MARCHF1: variants seen among roughly 807,000 people sequenced by gnomAD.
MARCHF1 encodes E3 ubiquitin-protein ligase MARCHF1.
In MARCHF1, 40 loss-of-function variants were observed where a neutral mutation model predicts 54.2. That is an observed-to-expected ratio of 0.74 (90% CI 0.57 to 0.96). The LOEUF (loss-of-function observed/expected upper bound fraction) is 0.96. Among genes scored for constraint, MARCHF1 ranks in the 40% least tolerant of loss-of-function variants. The pLI is 0.00. For synonymous variants in MARCHF1, 236 were observed against 236.3 expected, an observed-to-expected ratio of 1.00 and a Z score of 0.01; for missense variants, 586 against 656.5, an observed-to-expected ratio of 0.89 and a Z score of 1.17.
intron 3 of MARCHF1, among the ~76,000 whole-genome samples, chr4:163,863,304 G>A (rs535581745): frequency 6.6e-6 from 1 of 152,076 alleles, no homozygotes; most frequent in Non-Finnish European, 1.5e-5. Flanking sequence ...CTTTAGAAAG[G>A]AGTGCAGTCT....
intron 1 of MARCHF1, among the ~76,000 whole-genome samples, chr4:164,244,153 C>T (rs1345689415): frequency 2.0e-5 from 3 of 151,952 alleles, no homozygotes; most frequent in Admixed American, 6.6e-5. Flanking sequence ...ACAGAATATA[C>T]ATTTTTTTCA....
At chr4:163,573,720 C>T (rs1301548867) in intron 8 of MARCHF1, among the ~76,000 whole-genome samples, 2 of 151,810 alleles carry the variant, frequency 1.3e-5, no homozygotes, top group Non-Finnish European at 2.9e-5. Context: ...CATTGTTGGA[C>T]ATTTGGGTTG....
At chr4:163,979,471 G>T (rs373779548) in intron 3 of MARCHF1, among the ~76,000 whole-genome samples, 3 of 139,416 alleles carry the variant, frequency 2.2e-5, no homozygotes, top group Non-Finnish European at 4.7e-5. Context: ...GAATAATGCC[G>T]CAATAAACAT....
chr4:163,678,229 G>A (rs1425315966), intron 5 of MARCHF1, among the ~76,000 whole-genome samples: 1 of 152,174 alleles, frequency 6.6e-6, no homozygotes, highest in Non-Finnish European at 1.5e-5. Flanking sequence ...TGATTATGAT[G>A]ACAATGTTAT....
intron 2 of MARCHF1, among the ~76,000 whole-genome samples, chr4:164,091,334 T>C (rs1755294943): frequency 6.7e-6 from 1 of 150,066 alleles, no homozygotes; most frequent in African/African-American, 2.4e-5. Context: ...TTAAGGTCAT[T>C]TAAAAACCTT....
rs79127832 is a variant in MARCHF1 at position 163,807,081 on chromosome 4, A to C, written c.111+46940T>G. 4.3e-3 allele frequency among the ~76,000 whole-genome samples: 659 copies of C among 152,284 alleles called. 7 individuals carry two copies. Among genetic ancestry groups the C allele is most frequent in the African/African-American group, 0.015 (622 of 41,576 alleles). Reference sequence around the variant, plus strand: ...GTCAAAAATCCGAAACAAAATAATAATTGGATCAAAACACAGCACAATATT... The same window carrying C: ...GTCAAAAATCCGAAACAAAATAATACTTGGATCAAAACACAGCACAATATT... On this transcript the variant is annotated intron_variant, in intron 4 of 9. Coordinates refer to ENST00000514618, the MANE Select transcript of MARCHF1 (RefSeq NM_001394959.1).
At chr4:163,757,513 A>C (rs17474095) in intron 4 of MARCHF1, among the ~76,000 whole-genome samples, 5,815 of 152,310 alleles carry the variant, frequency 0.038, 161 homozygotes, top group South Asian at 0.075. Flanking sequence ...TTATATCCTA[A>C]GGATGCCTGT....
At chr4:164,060,205 A>G (rs1754585439) in intron 2 of MARCHF1, among the ~76,000 whole-genome samples, 1 of 152,094 alleles carries the variant, frequency 6.6e-6, no homozygotes, top group African/African-American at 2.4e-5. Flanking sequence ...TCAAATTTTT[A>G]TACCATATTG....
chr4:163,946,617 CA>C (rs772127822), intron 3 of MARCHF1, among the ~76,000 whole-genome samples: 18 of 152,142 alleles, frequency 1.2e-4, no homozygotes, highest in Admixed American at 2.0e-4. Context: ...TAATCTCCCC[CA>C]AACAGATTGG....
chr4:163,930,329 C>T (rs955162994), intron 3 of MARCHF1, among the ~76,000 whole-genome samples: 1 of 151,718 alleles, frequency 6.6e-6, no homozygotes, highest in South Asian at 2.1e-4. Context: ...GAATAGGAAC[C>T]AACAGATCAT....
At chr4:164,181,733 A>G (rs1467393491) in intron 1 of MARCHF1, among the ~76,000 whole-genome samples, 1 of 152,194 alleles carries the variant, frequency 6.6e-6, no homozygotes, top group Middle Eastern at 3.2e-3. Flanking sequence ...TCCTAGCTCA[A>G]AGATTTTCTA....
At chr4:164,189,452 T>TTGTGTGTGAGA in intron 1 of MARCHF1, 4 of 703,560 alleles carry the variant, frequency 5.7e-6, no homozygotes, top group Non-Finnish European at 1.0e-5. Context: ...ATTGATGATG[T>TTGTGTGTGAGA]TGTTCTTGGT....
In MARCHF1 at chr4:163,525,887, A is replaced by C. The variant is rs1265422937; in HGVS notation, c.*2861T>G. On this transcript the variant is annotated 3_prime_UTR_variant, in exon 10 of 10. Transcript: ENST00000514618. ...GGCAAATGTTCCATTGCCACACAGA[A>C]TGTAAAAAGAAAATAATCAACATTA... 6.6e-6 allele frequency: 1 copy of C among 152,100 alleles called. No individual in the cohort carries two copies. The highest frequency in any genetic ancestry group is 1.5e-5 in the Non-Finnish European group (1 of 67,972). 9.4% of individuals were successfully genotyped at this position (152,100 alleles called of 1,614,324 possible). A position where few individuals can be genotyped will look rare whatever the true frequency, so the allele number is the denominator to read the frequency against.
intron 4 of MARCHF1, among the ~76,000 whole-genome samples, chr4:163,780,141 G>T (rs1747422628): frequency 6.6e-6 from 1 of 152,198 alleles, no homozygotes; most frequent in Non-Finnish European, 1.5e-5. Flanking sequence ...GTGAAAAAGG[G>T]CCTATAGTTG....
rs190430615 is a variant in MARCHF1, at chr4:164,225,570, T to C, written c.-322-113908A>G. 2.4e-3 allele frequency among the ~76,000 whole-genome samples: 358 copies of C among 152,182 alleles called. 3 individuals carry two copies. Among genetic ancestry groups the C allele is most frequent in the African/African-American group, 8.0e-3 (333 of 41,548 alleles). ...ATCCTACAGTGTATTAAAGACCAAA[T>C]GGCAAAGTGCACCTTAACTGAATAA... On this transcript the variant is annotated intron_variant, in intron 1 of 9. Transcript: ENST00000514618.
chr4:163,929,963 AAT>A (rs1751628248), intron 3 of MARCHF1, among the ~76,000 whole-genome samples: 1 of 62,152 alleles, frequency 1.6e-5, no homozygotes, highest in African/African-American at 7.6e-5. Flanking sequence ...TATTATATAT[AAT>A]ATATATAATA....
intron 1 of MARCHF1, among the ~76,000 whole-genome samples, chr4:164,297,097 A>G (rs1311770258): frequency 6.6e-6 from 1 of 152,230 alleles, no homozygotes; most frequent in Non-Finnish European, 1.5e-5. Context: ...AATGATTGAT[A>G]TATCATGTTT....
chr4:164,214,134 A>G (rs1175617778), intron 1 of MARCHF1, among the ~76,000 whole-genome samples: 1 of 151,464 alleles, frequency 6.6e-6, no homozygotes, highest in East Asian at 1.9e-4. Context: ...GACACATACA[A>G]CAATATTTTA....
At chr4:164,139,212 T>C (rs1271031594) in intron 1 of MARCHF1, among the ~76,000 whole-genome samples, 2 of 152,036 alleles carry the variant, frequency 1.3e-5, no homozygotes, top group Non-Finnish European at 2.9e-5. Flanking sequence ...ATGAACACCA[T>C]GTACCAGAGG....
Sources: gnomAD v4.1 joint callset for allele counts (sites outside exome capture counted in the v4.1 genomes callset) on GRCh38, gnomAD v4.1.1 for gene constraint, MANE v1.5 for transcripts, NCBI Gene and HGNC (gene_info 2026-07-23, HGNC 2026-07-21) for gene names.